FGF14: variants seen among roughly 807,000 people sequenced by gnomAD.
FGF14 encodes fibroblast growth factor 14, also known as fibroblast growth factor homologous factor 4.
Under a neutral mutation model 25.5 loss-of-function variants are expected in FGF14, and 5 were observed. The ratio of observed to expected loss-of-function variants is 0.20; its 90% CI spans 0.10 to 0.41. FGF14 has a LOEUF of 0.41. Ranked by LOEUF, FGF14 falls within the 10% of genes least tolerant of loss-of-function variation. The pLI is 1.00. For missense variants in FGF14, 222 were observed against 320.1 expected, an observed-to-expected ratio of 0.69 and a Z score of 2.34; for synonymous variants, 138 against 118.3, an observed-to-expected ratio of 1.17 and a Z score of -1.08.
intron 3 of FGF14, among the ~76,000 whole-genome samples, chr13:101,814,241 G>A (rs1337541439): frequency 6.6e-6 from 1 of 152,156 alleles, no homozygotes; most frequent in Non-Finnish European, 1.5e-5. Context: ...AGATCCCCAG[G>A]TGATTCACGT....
intron 1 of FGF14, among the ~76,000 whole-genome samples, chr13:102,186,178 A>G (rs1294521099): frequency 6.6e-6 from 1 of 152,156 alleles, no homozygotes; most frequent in African/African-American, 2.4e-5. Context: ...CTACTCTAAT[A>G]ATAAATGGAA....
chr13:102,004,405 C>T (rs899995317), intron 1 of FGF14, among the ~76,000 whole-genome samples: 3 of 152,176 alleles, frequency 2.0e-5, no homozygotes, highest in Non-Finnish European at 2.9e-5. Context: ...CAAGGGATGG[C>T]ATATGCAAAA....
At chr13:102,155,239 C>A (rs1221788483) in intron 1 of FGF14, among the ~76,000 whole-genome samples, 1 of 152,196 alleles carries the variant, frequency 6.6e-6, no homozygotes, top group Admixed American at 6.5e-5. Flanking sequence ...TACACCTATT[C>A]CAAAATTGAC....
chr13:102,390,495 C>A (rs529235765), intron 1 of FGF14, among the ~76,000 whole-genome samples: 5 of 152,180 alleles, frequency 3.3e-5, no homozygotes, highest in Non-Finnish European at 4.4e-5. Context: ...CTTTCTAGAG[C>A]GGTAGCTGCA....
At chr13:102,002,787 C>T (rs1336271601) in intron 1 of FGF14, 1 of 152,202 alleles carries the variant, frequency 6.6e-6, no homozygotes, top group Non-Finnish European at 1.5e-5. Flanking sequence ...GGAAAAGGAT[C>T]TCATTCTGGC....
chr13:102,082,685 T>A (rs1158644424), intron 1 of FGF14, among the ~76,000 whole-genome samples: 2 of 152,180 alleles, frequency 1.3e-5, no homozygotes, highest in African/African-American at 4.8e-5. Flanking sequence ...CCGGGCGCGG[T>A]GGCTCACGCC....
At chr13:101,957,723 T>G (rs150527087) in intron 1 of FGF14, among the ~76,000 whole-genome samples, 1 of 152,306 alleles carries the variant, frequency 6.6e-6, no homozygotes, top group East Asian at 1.9e-4. Flanking sequence ...TCATTTCCCA[T>G]AGGCAATCTT....
At chr13:102,390,223 T>G (rs770220544) in intron 1 of FGF14, among the ~76,000 whole-genome samples, 6 of 152,140 alleles carry the variant, frequency 3.9e-5, no homozygotes, top group South Asian at 2.1e-4. Context: ...AGAAAAATTT[T>G]GGGGGCGGGT....
chr13:101,957,670 A>C (rs1566493485), intron 1 of FGF14, among the ~76,000 whole-genome samples: 1 of 152,170 alleles, frequency 6.6e-6, no homozygotes, highest in Non-Finnish European at 1.5e-5. Context: ...TTATGATTAG[A>C]GCTCATCTTT....
At chr13:102,341,171 C>T (rs2056940670) in intron 1 of FGF14, among the ~76,000 whole-genome samples, 2 of 150,512 alleles carry the variant, frequency 1.3e-5, no homozygotes, top group African/African-American at 4.9e-5. Flanking sequence ...AATTTTATAA[C>T]AAAAAAAAGA....
At chr13:102,171,972 GTATTTATTTATTTATTTATT>G (rs58098373) in intron 1 of FGF14, among the ~76,000 whole-genome samples, 2 of 146,126 alleles carry the variant, frequency 1.4e-5, no homozygotes, top group Non-Finnish European at 3.0e-5. Context: ...CACTTACCAT[GTATTTATTTATTTATTTATT>G]TATTTATTTA....
At chr13:102,359,565 T>G (rs2057509907) in intron 1 of FGF14, among the ~76,000 whole-genome samples, 1 of 152,154 alleles carries the variant, frequency 6.6e-6, no homozygotes, top group Non-Finnish European at 1.5e-5. Context: ...ACTATTCAGT[T>G]TCCCTAAGGA....
chr13:101,911,810 A>G (rs2032966092), intron 1 of FGF14, among the ~76,000 whole-genome samples: 1 of 152,202 alleles, frequency 6.6e-6, no homozygotes, highest in Admixed American at 6.5e-5. Flanking sequence ...AGGTATTAAT[A>G]TGTAGTAAGA....
intron 1 of FGF14, among the ~76,000 whole-genome samples, chr13:101,902,504 A>G (rs930994732): frequency 9.2e-5 from 14 of 152,310 alleles, no homozygotes; most frequent in African/African-American, 2.4e-4. Flanking sequence ...ATTTTTCCTC[A>G]TGAAACAAGA....
intron 4 of FGF14, among the ~76,000 whole-genome samples, chr13:101,724,447 TG>T (rs2035228905): frequency 7.9e-6 from 1 of 126,600 alleles, no homozygotes. Flanking sequence ...TGTTGTGGGG[TG>T]GGGGGATGGG....
chr13:102,196,376 T>C (rs1468960740), intron 1 of FGF14, among the ~76,000 whole-genome samples: 2 of 152,042 alleles, frequency 1.3e-5, no homozygotes, highest in Non-Finnish European at 2.9e-5. Flanking sequence ...ATGAGTCAAT[T>C]GTAAAGAAAT....
chr13:102,218,635 ATT>A (rs1208017131), intron 1 of FGF14, among the ~76,000 whole-genome samples: 99 of 152,180 alleles, frequency 6.5e-4, no homozygotes, highest in African/African-American at 2.3e-3. Flanking sequence ...GGGCCACCAA[ATT>A]AAGCTAGGGT....
Position 101,848,197 on chromosome 13 carries a change from T to C in FGF14, c.408+20528A>G, listed in dbSNP as rs539538147. Among the ~76,000 whole-genome samples, 4 of 152,178 alleles carry C rather than the reference T, an allele frequency of 2.6e-5. 1 individual carries two copies. The highest frequency in any genetic ancestry group is 2.1e-4 in the South Asian group (1 of 4,828). On this transcript the variant is annotated intron_variant, in intron 3 of 4. Transcript: ENST00000376143. The stretch of plus-strand genomic sequence containing the variant: ...ATTTAATATGCATAAATTTATATTA[T>C]GCCATTTTATCTTTTCATCAACCCT...
chr13:102,177,699 G>GGAA (rs1359905819), intron 1 of FGF14, among the ~76,000 whole-genome samples: 2 of 151,718 alleles, frequency 1.3e-5, no homozygotes, highest in Non-Finnish European at 2.9e-5. Flanking sequence ...TATGGCTCAT[G>GGAA]GAAATCCTGT....
Sources: gnomAD v4.1 joint callset for allele counts (sites outside exome capture counted in the v4.1 genomes callset) on GRCh38, gnomAD v4.1.1 for gene constraint, MANE v1.5 for transcripts, NCBI Gene and HGNC (gene_info 2026-07-23, HGNC 2026-07-21) for gene names.